The following STAB2 variants were observed in gnomAD, a reference collection of about 807,000 sequenced individuals.
The protein encoded by STAB2 is stabilin 2.
A neutral mutation model predicts 338.1 loss-of-function variants in STAB2; 288 were observed. The ratio of observed to expected loss-of-function variants is 0.85; its 90% confidence interval spans 0.77 to 0.94. The LOEUF is 0.94. Ranked by LOEUF, STAB2 falls within the 40% of genes least tolerant of loss-of-function variation. The probability of loss-of-function intolerance (pLI) is 0.00; values close to 1 mark genes in which losing one functional copy is unlikely to be tolerated. For missense variants in STAB2, 3,141 were observed against 3,210.1 expected, an observed-to-expected ratio of 0.98 and a Z score of 0.52; for synonymous variants, 1,202 against 1,193.3, an observed-to-expected ratio of 1.01 and a Z score of -0.15.
chr12:103,699,029 C>A, intron 33 of STAB2, 67 bp from the exon 34 acceptor site: 2 of 1,545,116 alleles, frequency 1.3e-6, no homozygotes, highest in Non-Finnish European at 1.8e-6. Context: ...AGTGACAGCA[C>A]ATGGGAGAAG....
intron 41 of STAB2, among the ~76,000 whole-genome samples, chr12:103,713,361 G>T (rs377259848): frequency 8.5e-5 from 13 of 152,246 alleles, no homozygotes; most frequent in African/African-American, 3.1e-4. Context: ...CTGCTTTCTA[G>T]ACCATCTTAC....
At chr12:103,677,696 C>T (rs1436031782) in intron 25 of STAB2, 85 bp downstream of exon 25, 18 of 1,478,582 alleles carry the variant, frequency 1.2e-5, no homozygotes, top group Non-Finnish European at 9.1e-7. Context: ...AGTACTTTGG[C>T]TAGAACTTAC....
At chr12:103,745,423 G>GC (rs1882952531) in intron 57 of STAB2, 146 bp downstream of exon 57, 2 of 679,846 alleles carry the variant, frequency 2.9e-6, no homozygotes, top group Admixed American at 6.5e-5. Flanking sequence ...CAGATCTGTA[G>GC]CCCCGGGCCT....
At chr12:103,724,812 G>A (rs1881052103) in intron 44 of STAB2, among the ~76,000 whole-genome samples, 163 bp from the exon 45 acceptor site, 2 of 152,206 alleles carry the variant, frequency 1.3e-5, no homozygotes, top group Non-Finnish European at 2.9e-5. Context: ...TATGAGCATA[G>A]GGAATTGGAA....
In STAB2 at chr12:103,711,339, C is replaced by T. The variant is rs7968216; in HGVS notation, c.4289-132C>T. The T allele has an allele frequency of 1.3e-3, 1,507 of 1,186,956 alleles. 15 individuals carry two copies. The African/African-American group carries it at 0.02, about 16-fold the overall frequency. The allele number at this position is 1,186,956 out of a possible 1,614,324, so 73.5% of individuals were successfully genotyped here. A position where few individuals can be genotyped will look rare whatever the true frequency, so the allele number is the denominator to read the frequency against. On this transcript the variant is annotated intron_variant, in intron 39 of 68. Transcript: ENST00000388887. ...CCAGTATAAAAAAGGATTGACATGA[C>T]CTCATAGTTTTATATCGCTCACATG...
chr12:103,705,573 C>T lies in STAB2; in HGVS notation c.3901-59C>T, dbSNP rs144524978. ...AATGCATCACCCACCTACTTGCTTT[C>T]GGAGACTGGAAAACTTTTTCCTAAC... On this transcript the variant is annotated intron_variant, in intron 36 of 68. Coordinates refer to ENST00000388887, the MANE Select transcript of STAB2 (RefSeq NM_017564.10). The T allele has an allele frequency of 1.9e-3, 2,804 of 1,483,892 alleles. 12 individuals carry two copies. The highest frequency in any genetic ancestry group is 2.1e-3 in the Non-Finnish European group (2,258 of 1,066,710). The allele number at this position is 1,483,892 out of a possible 1,614,324, so 91.9% of individuals were successfully genotyped here.
chr12:103,732,986 G>A lies in STAB2; in HGVS notation c.5284-20G>A, dbSNP rs761144341. The A allele has an allele frequency of 6.2e-7, 1 of 1,611,608 alleles. No homozygotes were observed. The highest frequency in any genetic ancestry group is 2.2e-5 in the East Asian group (1 of 44,848). On this transcript the variant is annotated intron_variant, in intron 50 of 68. Coordinates refer to ENST00000388887, the MANE Select transcript of STAB2 (RefSeq NM_017564.10). ...TGGGCCTTGCTCAAGCCAGCAAGGG[G>A]CTGAATCCCTGTGTTTCAGGACTCA...
intron 5 of STAB2, among the ~76,000 whole-genome samples, chr12:103,630,551 G>A (rs1957443953): frequency 1.3e-5 from 2 of 152,238 alleles, no homozygotes; most frequent in Admixed American, 1.3e-4. Context: ...AATTAAGGTT[G>A]CTAACTGGCT....
chr12:103,608,104 T>C (rs1957061552), intron 3 of STAB2, among the ~76,000 whole-genome samples: 1 of 152,172 alleles, frequency 6.6e-6, no homozygotes. Flanking sequence ...TGGTATCTCG[T>C]TGTGGTTTTG....
intron 42 of STAB2, among the ~76,000 whole-genome samples, chr12:103,715,385 C>T (rs1280314500): frequency 6.6e-6 from 1 of 152,154 alleles, no homozygotes; most frequent in Non-Finnish European, 1.5e-5. Flanking sequence ...TGTTGTTCCC[C>T]CTCAAAATAT....
chr12:103,708,850 AAT>A (rs892816117), intron 39 of STAB2, among the ~76,000 whole-genome samples: 1 of 151,910 alleles, frequency 6.6e-6, no homozygotes, highest in Non-Finnish European at 1.5e-5. Context: ...TCCACTTCAC[AAT>A]ATATATATAG....
intron 44 of STAB2, 91 bp downstream of exon 44, chr12:103,717,932 C>G: frequency 7.4e-7 from 1 of 1,345,000 alleles, no homozygotes; most frequent in Non-Finnish European, 1.1e-6. Context: ...TTGAGGAACT[C>G]TTCCTCTGGA....
At chr12:103,658,890 GT>G (rs1874390372) in intron 15 of STAB2, among the ~76,000 whole-genome samples, 2 of 152,192 alleles carry the variant, frequency 1.3e-5, no homozygotes, top group South Asian at 4.1e-4. Flanking sequence ...TTTGGGGGAT[GT>G]TTCCCAACAG....
intron 3 of STAB2, among the ~76,000 whole-genome samples, chr12:103,613,859 T>C (rs1957168625): frequency 6.6e-6 from 1 of 152,240 alleles, no homozygotes; most frequent in Non-Finnish European, 1.5e-5. Context: ...TAGTTAATAC[T>C]GCTTGTCTTT....
At chr12:103,731,667 T>C in intron 50 of STAB2, 32 bp downstream of exon 50, 1 of 1,592,208 alleles carries the variant, frequency 6.3e-7, no homozygotes, top group South Asian at 1.1e-5. Context: ...ACTCAGAGGA[T>C]AACCTGCCTA....
chr12:103,754,888 A>G (rs898892306), intron 61 of STAB2, among the ~76,000 whole-genome samples: 1 of 151,874 alleles, frequency 6.6e-6, no homozygotes, highest in East Asian at 1.9e-4. Context: ...GGAGGTTGCA[A>G]TGAGCCAAGA....
rs115893482 is a variant in STAB2 at position 103,681,562 on chromosome 12, G to A, written c.2806-1643G>A. Reference sequence around the variant, plus strand: ...ACATCACCCTGATCTCTGCCTTCACGTTCAGATGTTGTTCTCCCTGTGGGT... The same window carrying A: ...ACATCACCCTGATCTCTGCCTTCACATTCAGATGTTGTTCTCCCTGTGGGT... On this transcript the variant is annotated intron_variant, in intron 25 of 68. Coordinates refer to ENST00000388887, the MANE Select transcript of STAB2 (RefSeq NM_017564.10). 7.1e-3 allele frequency among the ~76,000 whole-genome samples: 1,040 copies of A among 146,372 alleles called. 15 individuals carry two copies. Among genetic ancestry groups the A allele is most frequent in the African/African-American group, 0.025 (987 of 39,332 alleles).
At chr12:103,664,566 G>A (rs2093784058) in intron 18 of STAB2, among the ~76,000 whole-genome samples, 1 of 152,154 alleles carries the variant, frequency 6.6e-6, no homozygotes, top group South Asian at 2.1e-4. Context: ...TTTCTTTTCA[G>A]GATGCTTCAA....
intron 60 of STAB2, among the ~76,000 whole-genome samples, chr12:103,752,100 C>A (rs532314854): frequency 1.3e-5 from 2 of 152,150 alleles, no homozygotes; most frequent in African/African-American, 4.8e-5. Flanking sequence ...GTTTCCAGGA[C>A]CCCATCCTAC....
Sources: allele counts gnomAD v4.1 joint callset (sites outside exome capture counted in the v4.1 genomes callset), GRCh38; gene constraint gnomAD v4.1.1; transcripts MANE v1.5; gene names NCBI Gene and HGNC (gene_info 2026-07-23, HGNC 2026-07-21).